The following E2F7 variants were observed in gnomAD, a reference collection of about 807,000 sequenced individuals.
The protein encoded by E2F7 is E2F transcription factor 7.
In E2F7, 35 loss-of-function variants were observed where a neutral mutation model predicts 81.1. That is an observed-to-expected ratio of 0.43 (90% confidence interval 0.33 to 0.57). E2F7 has a LOEUF of 0.57. E2F7 is among the 20% of genes least tolerant of loss of function. The pLI is 0.04. For missense variants in E2F7, 961 were observed against 1,093.7 expected (o/e 0.88, Z 1.71); for synonymous variants, 416 against 416.2 (o/e 1.00, Z 0.01).
chr12:77,043,301 G>C, intron 6 of E2F7, 102 bp from the exon 7 acceptor site: 1 of 1,508,812 alleles, frequency 6.6e-7, no homozygotes, highest in South Asian at 1.2e-5. Flanking sequence ...TAAACCTCAG[G>C]TGGAAAGCAG....
chr12:77,026,435 T>A (rs1954760805), intron 11 of E2F7, among the ~76,000 whole-genome samples: 1 of 152,146 alleles, frequency 6.6e-6, no homozygotes, highest in Non-Finnish European at 1.5e-5. Context: ...GCAGAGTAGC[T>A]GGGACCACAA....
At chr12:77,049,256 A>C (rs1954966765) in intron 4 of E2F7, among the ~76,000 whole-genome samples, 1 of 152,182 alleles carries the variant, frequency 6.6e-6, no homozygotes, top group South Asian at 2.1e-4. Context: ...CAGTTGGCTC[A>C]CTTTCCCTTT....
In E2F7 at chr12:77,046,056, C is replaced by T. The variant is rs1954937338; in HGVS notation, c.811G>A (p.Glu271Lys). 4 of 1,613,904 alleles carry T rather than the reference C, an allele frequency of 2.5e-6. No individual in the cohort carries two copies. The highest frequency in any genetic ancestry group is 3.4e-6 in the Non-Finnish European group (4 of 1,179,954). ...GACTCACAAGAGGGACAGTCGGGTT[C>T]AGAGAAATCCAGTAACTGTTGTTCC... ...SQEQQLLDFSEPDCPSSSANS... is the reference protein window; with the variant it reads ...SQEQQLLDFSKPDCPSSSANS... The change falls in exon 5 of 13, where the codon GAA becomes AAA. Residue 271 changes from glutamate (E) to lysine (K), a missense_variant. Physicochemically the swap from Glu to Lys is moderately conservative, Grantham distance 56. Around this residue, in one of 3 missense-constraint regions of E2F7, gnomAD observed 301 missense variants for 405.0 expected, o/e 0.74. Coordinates refer to ENST00000322886, the MANE Select transcript of E2F7 (RefSeq NM_203394.3).
chr12:77,027,830 A>C, intron 11 of E2F7, 53 bp downstream of exon 11: 1 of 1,584,894 alleles, frequency 6.3e-7, no homozygotes, highest in Non-Finnish European at 8.6e-7. Flanking sequence ...TTAAAAATCC[A>C]ATTCTTGATC....
At chr12:77,045,922 G>C in intron 5 of E2F7, 116 bp downstream of exon 5, 1 of 1,307,122 alleles carries the variant, frequency 7.7e-7, no homozygotes, top group Non-Finnish European at 1.0e-6. Context: ...GAGAATAAGA[G>C]AACATCTCCC....
At chr12:77,031,514 G>A (rs1002317063) in intron 9 of E2F7, among the ~76,000 whole-genome samples, 1 of 152,052 alleles carries the variant, frequency 6.6e-6, no homozygotes, top group African/African-American at 2.4e-5. Context: ...GGTGGCACAC[G>A]CCTGTAATCG....
Position 77,030,027 on chromosome 12 carries a change from T to A in E2F7, c.1688A>T (p.Glu563Val), listed in dbSNP as rs1255060580. ...TGACCCTGACCCTGACGCTGGTCCCTCCTGCAGACTTCCATACAGCATGAA... is the reference window on the plus strand; with the variant it reads ...TGACCCTGACCCTGACGCTGGTCCCACCTGCAGACTTCCATACAGCATGAA... ...SLFMLYGSLQ[E>V]GPASGSGSER... The change falls in exon 10 of 13, where the codon GAG (glutamate) becomes GTG (valine). Residue 563 changes from glutamate to valine, a missense_variant. Physicochemically the swap from Glu to Val is moderately radical, Grantham distance 121. This residue lies in a region of E2F7 where 587 missense variants were observed against 620.3 expected (regional missense o/e 0.95). Coordinates refer to ENST00000322886, the MANE Select transcript of E2F7 (RefSeq NM_203394.3). 3 of 1,614,098 alleles carry A rather than the reference T, an allele frequency of 1.9e-6. No homozygotes were observed. The highest frequency in any genetic ancestry group is 2.5e-6 in the Non-Finnish European group (3 of 1,180,050).
intron 11 of E2F7, among the ~76,000 whole-genome samples, chr12:77,026,434 C>G (rs1016829302): frequency 6.6e-6 from 1 of 152,060 alleles, no homozygotes; most frequent in African/African-American, 2.4e-5. Context: ...TGCAGAGTAG[C>G]TGGGACCACA....
At position 77,033,931 on chromosome 12, in the gene E2F7, T is replaced by C; in HGVS notation, c.1235A>G (p.Asn412Ser). Reference protein sequence around the residue: ...KQKLARHGSFNTVQASERIQR... With the variant: ...KQKLARHGSFSTVQASERIQR... ...GATCCTCTCAGAAGCCTGAACTGTGTTAAAAGAACCATGGCGAGCCAGCTT... is the reference window on the plus strand; with the variant it reads ...GATCCTCTCAGAAGCCTGAACTGTGCTAAAAGAACCATGGCGAGCCAGCTT... Residue 412 changes from asparagine to serine, a missense_variant, in exon 8 of 13, where the codon AAC becomes AGC. Around this residue, in one of 3 missense-constraint regions of E2F7, gnomAD observed 587 missense variants for 620.3 expected, o/e 0.95. Coordinates refer to ENST00000322886, the MANE Select transcript of E2F7 (RefSeq NM_203394.3). 1 of 1,614,238 alleles carries C rather than the reference T, an allele frequency of 6.2e-7. No homozygotes were observed. Among genetic ancestry groups the C allele is most frequent in the Non-Finnish European group, 8.5e-7 (1 of 1,180,034 alleles).
At chr12:77,032,047 C>T (rs1298475806) in intron 9 of E2F7, among the ~76,000 whole-genome samples, 5 of 152,354 alleles carry the variant, frequency 3.3e-5, no homozygotes, top group South Asian at 4.1e-4. Flanking sequence ...AACTCACTGT[C>T]TCACACTGGT....
intron 4 of E2F7, among the ~76,000 whole-genome samples, 155 bp from the exon 5 acceptor site, chr12:77,046,483 G>A (rs1419969182): frequency 6.6e-6 from 1 of 152,228 alleles, no homozygotes; most frequent in South Asian, 2.1e-4. Flanking sequence ...CTGTAAGGAT[G>A]CAAGCAATAT....
chr12:77,055,734 T>G, intron 3 of E2F7, 121 bp downstream of exon 3: 3 of 1,097,048 alleles, frequency 2.7e-6, no homozygotes, highest in Non-Finnish European at 3.8e-6. Flanking sequence ...TCAAAAGATA[T>G]TCAGTTTGCC....
chr12:77,046,420 T>A, intron 4 of E2F7, 92 bp from the exon 5 acceptor site: 1 of 1,387,248 alleles, frequency 7.2e-7, no homozygotes, highest in Non-Finnish European at 9.7e-7. Flanking sequence ...TGTGAACTAC[T>A]TTGTCTGATC....
At chr12:77,024,466 A>G (rs1448170373) in intron 12 of E2F7, among the ~76,000 whole-genome samples, 1 of 152,162 alleles carries the variant, frequency 6.6e-6, no homozygotes, top group African/African-American at 2.4e-5. Context: ...AAGTTACTTA[A>G]GCAACCTGTC....
At chr12:77,058,463 T>C (rs1306749089) in intron 2 of E2F7, among the ~76,000 whole-genome samples, 1 of 152,156 alleles carries the variant, frequency 6.6e-6, no homozygotes, top group Non-Finnish European at 1.5e-5. Context: ...GCCTGTGTCC[T>C]GGGCACAAAC....
rs1443157352 is a variant in E2F7, at chr12:77,023,741, C to T, written c.*274G>A. 1.8e-5 allele frequency: 4 copies of T among 217,316 alleles called. No homozygotes were observed. Among genetic ancestry groups the T allele is most frequent in the Non-Finnish European group, 3.0e-5 (4 of 132,594 alleles). The allele number at this position is 217,316 out of a possible 1,614,324, so 13.5% of individuals were successfully genotyped here. On this transcript the variant is annotated 3_prime_UTR_variant, in exon 13 of 13. Coordinates refer to ENST00000322886, the MANE Select transcript of E2F7 (RefSeq NM_203394.3). ...CAAGGCTCCGGTAGCCTATTCAGAT[C>T]TACTTCCAGAATAAGACGATTCTTG...
chr12:77,040,181 G>C (rs1954883865), intron 7 of E2F7, among the ~76,000 whole-genome samples: 1 of 152,118 alleles, frequency 6.6e-6, no homozygotes, highest in Non-Finnish European at 1.5e-5. Flanking sequence ...AAGAAACCTT[G>C]TTTAATATTT....
At position 77,050,821 on chromosome 12, in the gene E2F7, T is replaced by G; in HGVS notation, c.370-77A>C. 3 of 1,481,664 alleles carry G rather than the reference T, an allele frequency of 2.0e-6. No homozygotes were observed. In the South Asian group the frequency reaches 3.7e-5, roughly 18 times the overall value. 91.8% of individuals were successfully genotyped at this position (1,481,664 alleles called of 1,614,324 possible). A position where few individuals can be genotyped will look rare whatever the true frequency, so the allele number is the denominator to read the frequency against. On this transcript the variant is annotated intron_variant, in intron 3 of 12. Transcript: ENST00000322886. The stretch of plus-strand genomic sequence containing the variant: ...ATGGAGAAATGGCAATGGCCAGTGT[T>G]GGCAAACTGGGGGGACATCTCAATC...
intron 7 of E2F7, among the ~76,000 whole-genome samples, chr12:77,035,826 A>T (rs1954844711): frequency 6.6e-6 from 1 of 152,174 alleles, no homozygotes; most frequent in African/African-American, 2.4e-5. Flanking sequence ...AATTCAAGAC[A>T]CTAGGGGAAA....
Sources: gnomAD v4.1 joint callset for allele counts (sites outside exome capture counted in the v4.1 genomes callset) on GRCh38, gnomAD v4.1.1 for gene constraint, gnomAD v4.1.1 regional missense constraint, MANE v1.5 for transcripts, NCBI Gene and HGNC (gene_info 2026-07-23, HGNC 2026-07-21) for gene names.